Variants in UNC13C observed in about 807,000 individuals in gnomAD.
UNC13C encodes the protein protein unc-13 homolog C.
Under a neutral mutation model 245.4 loss-of-function variants are expected in UNC13C, and 174 were observed. That is an observed-to-expected ratio of 0.71 (90% CI 0.63 to 0.80). The LOEUF is 0.80. Among genes scored for constraint, UNC13C ranks in the 30% least tolerant of loss-of-function variants. UNC13C has a pLI of 0.00. For missense variants in UNC13C, 2,829 were observed against 2,602.9 expected, an observed-to-expected ratio of 1.09 and a Z score of -1.89; for synonymous variants, 992 against 895.1, an observed-to-expected ratio of 1.11 and a Z score of -1.93.
At chr15:54,590,029 C>T (rs1898702800) in intron 30 of UNC13C, among the ~76,000 whole-genome samples, 1 of 152,144 alleles carries the variant, frequency 6.6e-6, no homozygotes, top group Non-Finnish European at 1.5e-5. Context: ...ATCCCAGCAC[C>T]ATTTCTTGCA....
chr15:54,561,033 A>G (rs911894636), intron 29 of UNC13C, among the ~76,000 whole-genome samples: 2 of 151,986 alleles, frequency 1.3e-5, no homozygotes, highest in African/African-American at 4.8e-5. Flanking sequence ...TCCTTTCCCA[A>G]TAAACCCTTA....
At chr15:53,843,417 G>A in the UNC13C span, among the ~76,000 whole-genome samples, 6 of 152,110 alleles carry the variant, frequency 3.9e-5, no homozygotes, top group South Asian at 2.1e-4. Flanking sequence ...AGCTGTGAGC[G>A]TGCCACTGCA....
chr15:54,630,118 G>C (rs758276541), downstream of UNC13C: 1 of 152,152 alleles, frequency 6.6e-6, no homozygotes, highest in Non-Finnish European at 1.5e-5. Flanking sequence ...AACACACAAA[G>C]GCAAAGCTCT....
chr15:54,394,119 C>T (rs1160137830), intron 18 of UNC13C, among the ~76,000 whole-genome samples: 1 of 151,822 alleles, frequency 6.6e-6, no homozygotes, highest in Non-Finnish European at 1.5e-5. Flanking sequence ...CTGGTCAAGA[C>T]CGTTAGGGTC....
intron 27 of UNC13C, among the ~76,000 whole-genome samples, chr15:54,549,363 T>C (rs991532727): frequency 5.9e-5 from 9 of 152,210 alleles, no homozygotes; most frequent in African/African-American, 2.2e-4. Context: ...ATTTAATCCA[T>C]ATACTACATT....
At chr15:54,237,416 T>C (rs939084289) in intron 6 of UNC13C, 20 of 668,286 alleles carry the variant, frequency 3.0e-5, no homozygotes, top group African/African-American at 5.3e-5. Context: ...GGGTTGGGTT[T>C]GATGAGTTGT....
chr15:54,232,348 A>T (rs1371628328), intron 4 of UNC13C, among the ~76,000 whole-genome samples: 1 of 152,136 alleles, frequency 6.6e-6, no homozygotes, highest in Non-Finnish European at 1.5e-5. Flanking sequence ...ATGTCTGCTC[A>T]CTTGGGCTTG....
chr15:54,553,872 T>C (rs77434211), intron 28 of UNC13C, among the ~76,000 whole-genome samples: 7,880 of 151,978 alleles, frequency 0.052, 350 homozygotes, highest in Admixed American at 0.13. Context: ...TAATAGAAAA[T>C]ATTTTTAATT....
intron 19 of UNC13C, among the ~76,000 whole-genome samples, chr15:54,432,914 T>A (rs768536603): frequency 4.0e-5 from 6 of 151,772 alleles, no homozygotes; most frequent in Non-Finnish European, 7.4e-5. Context: ...AAAGGGGATA[T>A]CACCACTGAT....
chr15:54,240,546 G>A (rs1236436964), intron 7 of UNC13C, among the ~76,000 whole-genome samples: 2 of 152,218 alleles, frequency 1.3e-5, no homozygotes, highest in African/African-American at 4.8e-5. Context: ...GGACAGAACA[G>A]ACACTAATGC....
chr15:54,251,088 T>C (rs1445945604), intron 8 of UNC13C, among the ~76,000 whole-genome samples: 1 of 152,132 alleles, frequency 6.6e-6, no homozygotes, highest in Non-Finnish European at 1.5e-5. Flanking sequence ...TACATCATAA[T>C]AGTTCCATGA....
chr15:53,911,567 A>G, the UNC13C span: 3 of 152,182 alleles, frequency 2.0e-5, no homozygotes, highest in Admixed American at 6.5e-5. Flanking sequence ...CGCCTCTGAG[A>G]TGGAGAATCT....
chr15:53,960,716 T>G, the UNC13C span, among the ~76,000 whole-genome samples: 4 of 152,230 alleles, frequency 2.6e-5, no homozygotes, highest in East Asian at 7.7e-4. Flanking sequence ...TTTTATCAGT[T>G]TTTATAGTCA....
At chr15:53,990,612 C>A (rs1399550806) in intron 1 of UNC13C, among the ~76,000 whole-genome samples, 1 of 151,978 alleles carries the variant, frequency 6.6e-6, no homozygotes, top group Non-Finnish European at 1.5e-5. Flanking sequence ...TAAAAAATTT[C>A]TTTATACTTT....
the UNC13C span, among the ~76,000 whole-genome samples, chr15:53,968,461 T>TG: frequency 1.3e-5 from 2 of 152,030 alleles, no homozygotes; most frequent in Admixed American, 6.6e-5. Flanking sequence ...CCAGAGAAGA[T>TG]GGTGGAGTTA....
intron 2 of UNC13C, among the ~76,000 whole-genome samples, chr15:54,089,983 C>G (rs1230739052): frequency 6.6e-6 from 1 of 152,164 alleles, no homozygotes; most frequent in East Asian, 1.9e-4. Context: ...AGAGCTCTGA[C>G]CCATTTTACT....
chr15:54,215,309 CA>C (rs2035007396), intron 4 of UNC13C, among the ~76,000 whole-genome samples: 1 of 151,800 alleles, frequency 6.6e-6, no homozygotes, highest in Admixed American at 6.6e-5. Context: ...AACCTAGGAC[CA>C]TTTGGTTATT....
At chr15:54,343,812 A>G (rs969188129) in intron 17 of UNC13C, among the ~76,000 whole-genome samples, 1 of 152,188 alleles carries the variant, frequency 6.6e-6, no homozygotes, top group Non-Finnish European at 1.5e-5. Context: ...ACCACAAGGA[A>G]AAGTGGGAAT....
At chr15:54,613,828 C>T (rs1039224743) in intron 30 of UNC13C, among the ~76,000 whole-genome samples, 2 of 151,764 alleles carry the variant, frequency 1.3e-5, no homozygotes, top group African/African-American at 4.8e-5. Context: ...TTATCTAGTA[C>T]GTACTAGGAA....
Sources: allele counts gnomAD v4.1 joint callset (sites outside exome capture counted in the v4.1 genomes callset), GRCh38; gene constraint gnomAD v4.1.1; transcripts MANE v1.5; gene names NCBI Gene and HGNC (gene_info 2026-07-23, HGNC 2026-07-21).